Variants in CELF2 observed in about 807,000 individuals in gnomAD.
CELF2 encodes CUG triplet repeat RNA-binding protein 2.
Under a neutral mutation model 62.6 loss-of-function variants are expected in CELF2, and 8 were observed. The observed-to-expected ratio is 0.13, with a 90% CI of 0.07 to 0.23. The LOEUF (loss-of-function observed/expected upper bound fraction) is 0.23. Ranked by LOEUF, CELF2 falls within the 10% of genes least tolerant of loss-of-function variation. The probability of loss-of-function intolerance (pLI) is 1.00; values close to 1 mark genes in which losing one functional copy is unlikely to be tolerated. For missense variants in CELF2, 333 were observed against 671.0 expected (o/e 0.50, Z 5.56); for synonymous variants, 258 against 250.0 (o/e 1.03, Z -0.30).
At chr10:10,559,991 G>C in the CELF2 span, among the ~76,000 whole-genome samples, 2 of 152,320 alleles carry the variant, frequency 1.3e-5, no homozygotes, top group East Asian at 3.9e-4. Context: ...AAAGCTGACT[G>C]TGCAGGGCTT....
At chr10:10,717,864 T>C in the CELF2 span, among the ~76,000 whole-genome samples, 9 of 152,174 alleles carry the variant, frequency 5.9e-5, no homozygotes, top group African/African-American at 1.7e-4. Context: ...TCTGTGGATA[T>C]TAATTTTCTG....
the CELF2 span, among the ~76,000 whole-genome samples, chr10:10,481,726 C>T: frequency 6.6e-6 from 1 of 152,122 alleles, no homozygotes; most frequent in Non-Finnish European, 1.5e-5. Context: ...GTCTTCAGAT[C>T]TCGATATTTT....
chr10:10,562,560 G>T, the CELF2 span, among the ~76,000 whole-genome samples: 5 of 152,070 alleles, frequency 3.3e-5, no homozygotes, highest in Admixed American at 3.3e-4. Flanking sequence ...TGAGCAGCCC[G>T]GCTCCGGAGC....
At chr10:10,879,549 T>C (rs901483818) in intron 1 of CELF2, among the ~76,000 whole-genome samples, 2 of 152,240 alleles carry the variant, frequency 1.3e-5, no homozygotes, top group Non-Finnish European at 2.9e-5. Flanking sequence ...GAAAGTCCTG[T>C]GATTAAATCA....
At chr10:10,863,813 C>A (rs1259314448) in intron 1 of CELF2, among the ~76,000 whole-genome samples, 1 of 152,086 alleles carries the variant, frequency 6.6e-6, no homozygotes. Flanking sequence ...CAGAACTTAC[C>A]CTCTGGTCAA....
upstream of CELF2, chr10:11,005,212 T>G: frequency 1.4e-6 from 2 of 1,474,700 alleles, no homozygotes; most frequent in Non-Finnish European, 1.8e-6. The surrounding 1 kb of genome is among the most constrained non-coding windows in gnomAD (Gnocchi z 4.3). Flanking sequence ...GCTCTACTAT[T>G]CAGCATTTGA....
At chr10:10,949,281 G>A (rs559512151) in intron 2 of CELF2, among the ~76,000 whole-genome samples, 88 of 151,982 alleles carry the variant, frequency 5.8e-4, no homozygotes, top group African/African-American at 1.9e-3. Context: ...TGCACTTTCC[G>A]GAGCAACGTA....
intron 2 of CELF2, among the ~76,000 whole-genome samples, chr10:10,944,618 T>TC (rs2135539319): frequency 1.3e-5 from 2 of 152,158 alleles, no homozygotes; most frequent in African/African-American, 4.8e-5. Context: ...TTGTTTTTTT[T>TC]TGTGACAGAG....
intron 1 of CELF2, among the ~76,000 whole-genome samples, chr10:10,822,097 C>T (rs546356999): frequency 6.6e-6 from 1 of 152,182 alleles, no homozygotes; most frequent in African/African-American, 2.4e-5. Flanking sequence ...TTGATGTGGC[C>T]GCCTGGCAGG....
At chr10:10,720,919 A>G in the CELF2 span, among the ~76,000 whole-genome samples, 3 of 152,246 alleles carry the variant, frequency 2.0e-5, no homozygotes, top group Admixed American at 6.5e-5. Flanking sequence ...AGTTGGGGGA[A>G]AAATATGAAT....
At position 10,936,173 on chromosome 10, in the gene CELF2, A is replaced by G. The variant is rs1592137594; in HGVS notation, c.89+16174A>G. Among the ~76,000 whole-genome samples, 1 of 152,266 alleles carries G rather than the reference A, an allele frequency of 6.6e-6. No homozygotes were observed. The highest frequency in any genetic ancestry group is 1.9e-4 in the East Asian group (1 of 5,186). ...TGAGACTCCATCTCACAAAAAAAAT[A>G]AATAAAATAATAAAGAGAGAGAAAA... On this transcript the variant is annotated intron_variant, in intron 2 of 13. Transcript: ENST00000636488. This position sits in a 1 kb window ranked among gnomAD's most constrained non-coding sequence, Gnocchi z 4.0.
intron 1 of CELF2, among the ~76,000 whole-genome samples, chr10:10,840,544 T>C (rs1280771689): frequency 6.6e-6 from 1 of 152,246 alleles, no homozygotes; most frequent in Non-Finnish European, 1.5e-5. Context: ...TATACTTTAA[T>C]TGGCTTGTTA....
chr10:10,470,954 T>C, the CELF2 span, among the ~76,000 whole-genome samples: 1 of 151,666 alleles, frequency 6.6e-6, no homozygotes, highest in Non-Finnish European at 1.5e-5. Context: ...ACCACCACTT[T>C]AGCTTTATCT....
the CELF2 span, among the ~76,000 whole-genome samples, chr10:10,493,853 C>T: frequency 3.9e-5 from 6 of 152,140 alleles, no homozygotes; most frequent in African/African-American, 1.4e-4. Context: ...AACTGTTTAA[C>T]AAGCGGTAGG....
the CELF2 span, among the ~76,000 whole-genome samples, chr10:10,703,861 G>A: frequency 6.6e-6 from 1 of 152,166 alleles, no homozygotes; most frequent in Non-Finnish European, 1.5e-5. Flanking sequence ...TCGAAGGTAC[G>A]ATCACAGAAC....
chr10:10,689,380 A>G, the CELF2 span, among the ~76,000 whole-genome samples: 2 of 152,162 alleles, frequency 1.3e-5, no homozygotes, highest in Non-Finnish European at 2.9e-5. Context: ...TGCCCCCATG[A>G]TCCAGTCACC....
At chr10:11,139,688 A>G (rs902931950) in intron 1 of CELF2, among the ~76,000 whole-genome samples, 3 of 152,176 alleles carry the variant, frequency 2.0e-5, no homozygotes, top group Non-Finnish European at 4.4e-5. Context: ...TTTAGGTAAC[A>G]CTTTTAAAGA....
chr10:10,867,767 G>A lies in CELF2; in HGVS notation c.54-52197G>A, dbSNP rs114379867. 7.2e-3 allele frequency among the ~76,000 whole-genome samples: 1,090 copies of A among 152,294 alleles called. 14 individuals carry two copies. The highest frequency in any genetic ancestry group is 0.025 in the African/African-American group (1,030 of 41,562). ...TTGTCTTCTCCTGACCTGGATAGCC[G>A]AGCACAGATGGAAAAAATCCCAGCC... On this transcript the variant is annotated intron_variant, in intron 1 of 13. Coordinates refer to the CELF2 transcript ENST00000636488.
chr10:10,754,074 T>TTTTTG, the CELF2 span, among the ~76,000 whole-genome samples: 1 of 150,266 alleles, frequency 6.7e-6, no homozygotes, highest in African/African-American at 2.4e-5. Context: ...TTTTTTTTTT[T>TTTTTG]TTTTTTTTTT....
Sources: allele counts gnomAD v4.1 joint callset (sites outside exome capture counted in the v4.1 genomes callset), GRCh38; gene constraint gnomAD v4.1.1; non-coding constraint Gnocchi (gnomAD v3.1); transcripts MANE v1.5; gene names NCBI Gene and HGNC (gene_info 2026-07-23, HGNC 2026-07-21).